Variants in IGF1R observed in about 807,000 individuals in gnomAD.
IGF1R encodes the protein insulin-like growth factor 1 receptor.
IGF1R carries 44 observed loss-of-function variants against 144.6 expected under a neutral mutation model. That is an observed-to-expected ratio of 0.30 (90% CI 0.24 to 0.39). IGF1R has a LOEUF of 0.39. Ranked by LOEUF, IGF1R falls within the 10% of genes least tolerant of loss-of-function variation. IGF1R has a pLI of 1.00. For synonymous variants in IGF1R, 795 were observed against 722.8 expected, an observed-to-expected ratio of 1.10 and a Z score of -1.60; for missense variants, 1,355 against 1,833.7, an observed-to-expected ratio of 0.74 and a Z score of 4.77.
intron 2 of IGF1R, among the ~76,000 whole-genome samples, chr15:98,721,535 T>G (rs991988646): frequency 6.6e-6 from 1 of 152,068 alleles, no homozygotes; most frequent in African/African-American, 2.4e-5. Context: ...GAGGTGGCGA[T>G]GGCAGTGGCA....
chr15:98,656,599 G>A (rs2052490725), intron 1 of IGF1R, among the ~76,000 whole-genome samples: 1 of 140,348 alleles, frequency 7.1e-6, no homozygotes, highest in Non-Finnish European at 1.5e-5. Flanking sequence ...TAATAGTCTG[G>A]AAAACATTTT....
Position 98,958,750 on chromosome 15 carries a change from C to G in IGF1R, c.*1308C>G, listed in dbSNP as rs2017111787. 1 of 231,974 alleles carries G rather than the reference C, an allele frequency of 4.3e-6. No homozygotes were observed. The highest frequency in any genetic ancestry group is 2.2e-5 in the African/African-American group (1 of 45,140). 14.4% of individuals were successfully genotyped at this position (231,974 alleles called of 1,614,324 possible). On this transcript the variant is annotated 3_prime_UTR_variant, in exon 21 of 21. Transcript: ENST00000650285. ...TGTTCTTGATCTTTGTGGATTTAATCTATGAAAACCTTCAGGTCCACCCTC... is the reference window on the plus strand; with the variant it reads ...TGTTCTTGATCTTTGTGGATTTAATGTATGAAAACCTTCAGGTCCACCCTC...
At chr15:98,924,198 A>G (rs1053962165) in intron 12 of IGF1R, among the ~76,000 whole-genome samples, 186 bp downstream of exon 12, 7 of 152,252 alleles carry the variant, frequency 4.6e-5, no homozygotes. Flanking sequence ...ATAGTGTGCA[A>G]AGAGCTAGGC....
intron 5 of IGF1R, among the ~76,000 whole-genome samples, chr15:98,904,228 AT>A (rs1253165292): frequency 6.6e-6 from 1 of 151,764 alleles, no homozygotes; most frequent in African/African-American, 2.4e-5. Context: ...ATTTTTTTGT[AT>A]TTTTAGTAGA....
At chr15:98,714,919 A>G (rs2054079484) in intron 2 of IGF1R, among the ~76,000 whole-genome samples, 1 of 152,096 alleles carries the variant, frequency 6.6e-6, no homozygotes, top group South Asian at 2.1e-4. Context: ...CCAGACTGCT[A>G]AGACGATCAT....
chr15:98,802,132 C>T (rs2056376431), intron 2 of IGF1R, among the ~76,000 whole-genome samples: 1 of 152,098 alleles, frequency 6.6e-6, no homozygotes, highest in South Asian at 2.1e-4. Flanking sequence ...GGGTTTGTTA[C>T]TCTAAAAATG....
intron 2 of IGF1R, among the ~76,000 whole-genome samples, chr15:98,871,910 A>AGTTT (rs1363685823): frequency 6.6e-6 from 1 of 152,184 alleles, no homozygotes; most frequent in Non-Finnish European, 1.5e-5. Context: ...TTGTATTGGG[A>AGTTT]GTTTGTTTGT....
rs1380736046 is a variant in IGF1R at position 98,741,231 on chromosome 15, T to C, written c.640+33124T>C. ...TTGATATGGCTTTATATAGTTTTCC[T>C]GAGCTTTTTTTTTTTTTTTTTTTTT... On this transcript the variant is annotated intron_variant, in intron 2 of 20. Transcript: ENST00000650285. Among the ~76,000 whole-genome samples the C allele has an allele frequency of 4.1e-5, 6 of 144,596 alleles. 1 individual carries two copies. In the East Asian group the frequency reaches 1.2e-3, roughly 29 times the overall value. 94.9% of individuals were successfully genotyped at this position (144,596 alleles called of 152,430 possible).
rs1353459477 is a variant in IGF1R at position 98,768,475 on chromosome 15, C to T, written c.640+60368C>T. On this transcript the variant is annotated intron_variant, in intron 2 of 20. Coordinates refer to ENST00000650285, the MANE Select transcript of IGF1R (RefSeq NM_000875.5). Reference sequence around the variant, plus strand: ...ACTAAAAATACAAAAACTAGCTGGGCGTGGTGGTGCGTGCCTATAATTTCA... The same window carrying T: ...ACTAAAAATACAAAAACTAGCTGGGTGTGGTGGTGCGTGCCTATAATTTCA... Among the ~76,000 whole-genome samples the T allele has an allele frequency of 3.3e-5, 5 of 149,960 alleles. No homozygotes were observed. In the South Asian group the frequency reaches 8.4e-4, roughly 25 times the overall value.
At chr15:98,717,678 G>A (rs1251131002) in intron 2 of IGF1R, among the ~76,000 whole-genome samples, 1 of 152,112 alleles carries the variant, frequency 6.6e-6, no homozygotes, top group Non-Finnish European at 1.5e-5. Context: ...AATTTATTTT[G>A]TTTGCAAGTT....
intron 2 of IGF1R, among the ~76,000 whole-genome samples, chr15:98,771,228 C>T (rs758091973): frequency 4.6e-5 from 7 of 152,140 alleles, no homozygotes; most frequent in Non-Finnish European, 1.0e-4. Flanking sequence ...TAACACATAC[C>T]CCCTGCTGCT....
At chr15:98,901,355 T>C (rs934869015) in intron 5 of IGF1R, among the ~76,000 whole-genome samples, 3 of 152,192 alleles carry the variant, frequency 2.0e-5, no homozygotes, top group African/African-American at 7.2e-5. Context: ...AGAGGCTCTT[T>C]CTTGAGCTTG....
At chr15:98,916,217 T>C in intron 9 of IGF1R, 86 bp downstream of exon 9, 2 of 1,250,400 alleles carry the variant, frequency 1.6e-6, no homozygotes, top group South Asian at 2.4e-5. Context: ...ATTACACGTA[T>C]CAGACAACAG....
chr15:98,791,722 A>G (rs770614324), intron 2 of IGF1R, among the ~76,000 whole-genome samples: 4 of 152,262 alleles, frequency 2.6e-5, no homozygotes, highest in Non-Finnish European at 4.4e-5. Flanking sequence ...TTATAGTGCT[A>G]CAATGAGATA....
In IGF1R at chr15:98,648,582, T is replaced by C. The variant is rs2141151843; in HGVS notation, c.-1000T>C. On this transcript the variant is annotated 5_prime_UTR_variant, in exon 1 of 21. Coordinates refer to ENST00000650285, the MANE Select transcript of IGF1R (RefSeq NM_000875.5). ...CGGCGGCGCGGCGAGGCTGGGGCTCTTGTTTACCAGCATTAACTCCGCTGA... is the reference window on the plus strand; with the variant it reads ...CGGCGGCGCGGCGAGGCTGGGGCTCCTGTTTACCAGCATTAACTCCGCTGA... Among the ~76,000 whole-genome samples the C allele has an allele frequency of 7.1e-6, 1 of 141,654 alleles. No individual in the cohort carries two copies. The highest frequency in any genetic ancestry group is 2.2e-4 in the South Asian group (1 of 4,556). 92.9% of individuals were successfully genotyped at this position (141,654 alleles called of 152,430 possible). A position where few individuals can be genotyped will look rare whatever the true frequency, so the allele number is the denominator to read the frequency against.
At chr15:98,777,145 G>T (rs1287187608) in intron 2 of IGF1R, among the ~76,000 whole-genome samples, 1 of 152,092 alleles carries the variant, frequency 6.6e-6, no homozygotes, top group Non-Finnish European at 1.5e-5. Context: ...TGCTGCAGCG[G>T]CAGGGGGCCA....
In IGF1R at chr15:98,913,175, G is replaced by T; in HGVS notation, c.1721G>T (p.Trp574Leu). Residue 574 changes from tryptophan to leucine, a missense_variant, in exon 8 of 21, where the codon TGG (tryptophan) becomes TTG (leucine). Trp to Leu is a moderately conservative substitution (Grantham distance 61). Around this residue, in one of 7 missense-constraint regions of IGF1R, gnomAD observed 880 missense variants for 1,202.7 expected, o/e 0.73. Transcript: ENST00000650285. ...PGILLHGLKP[W>L]TQYAVYVKAV... ...ATCTTACTACATGGGCTGAAGCCCT[G>T]GACTCAGTACGCCGTTTACGTCAAG... The T allele has an allele frequency of 6.2e-7, 1 of 1,614,202 alleles. No homozygotes were observed.
At chr15:98,855,714 A>G (rs2011773075) in intron 2 of IGF1R, among the ~76,000 whole-genome samples, 2 of 152,222 alleles carry the variant, frequency 1.3e-5, no homozygotes, top group African/African-American at 4.8e-5. Flanking sequence ...CTTATAGGTC[A>G]GACTTCTGGA....
At chr15:98,760,467 C>G (rs966890281) in intron 2 of IGF1R, among the ~76,000 whole-genome samples, 1 of 152,208 alleles carries the variant, frequency 6.6e-6, no homozygotes, top group African/African-American at 2.4e-5. Context: ...CCATAATGGT[C>G]TCTTGAAGTG....
Sources: gnomAD v4.1 joint callset for allele counts (sites outside exome capture counted in the v4.1 genomes callset) on GRCh38, gnomAD v4.1.1 for gene constraint, gnomAD v4.1.1 regional missense constraint, MANE v1.5 for transcripts, NCBI Gene and HGNC (gene_info 2026-07-23, HGNC 2026-07-21) for gene names.